The following EXD3 variants were observed in gnomAD, a reference collection of about 807,000 sequenced individuals.
EXD3 encodes the protein exonuclease mut-7 homolog.
In EXD3, 92 loss-of-function variants were observed where a neutral mutation model predicts 98.0. The observed-to-expected ratio is 0.94, with a 90% confidence interval of 0.79 to 1.12. The LOEUF is 1.12. EXD3 is among the 50% of genes most tolerant of loss of function. The probability of loss-of-function intolerance (pLI) is 0.00; values close to 1 mark genes in which losing one functional copy is unlikely to be tolerated. For missense variants in EXD3, 1,222 were observed against 1,191.6 expected, an observed-to-expected ratio of 1.03 and a Z score of -0.38; for synonymous variants, 569 against 526.0, an observed-to-expected ratio of 1.08 and a Z score of -1.12.
intron 19 of EXD3, among the ~76,000 whole-genome samples, chr9:137,315,257 C>T (rs1342570003): frequency 6.6e-6 from 1 of 152,272 alleles, no homozygotes; most frequent in African/African-American, 2.4e-5. Context: ...CTGGGCACCC[C>T]CCGACCGGGC....
intron 20 of EXD3, among the ~76,000 whole-genome samples, chr9:137,308,225 G>A (rs540858476): frequency 6.6e-5 from 10 of 152,282 alleles, no homozygotes; most frequent in African/African-American, 2.4e-4. Context: ...CAGCAGGTGG[G>A]AGAAGCGTCT....
intron 8 of EXD3, among the ~76,000 whole-genome samples, chr9:137,355,477 AAGGAGGAAGGAGGATGGAGG>A: frequency 7.9e-6 from 1 of 126,376 alleles, no homozygotes. Context: ...AGGAAGGAGG[AAGGAGGAAGGAGGATGGAGG>A]AAGGAGGAAG....
At chr9:137,366,180 G>A (rs1835243152) in intron 7 of EXD3, 1 of 701,878 alleles carries the variant, frequency 1.4e-6, no homozygotes, top group African/African-American at 1.7e-5. Context: ...AAGAACAAAG[G>A]AATGGATGAA....
intron 1 of EXD3, among the ~76,000 whole-genome samples, chr9:137,420,003 CA>C (rs774082343): frequency 8.6e-5 from 13 of 150,862 alleles, no homozygotes; most frequent in East Asian, 6.0e-4. Context: ...ACTAAAAATA[CA>C]AAAAAATTAG....
In EXD3 at chr9:137,324,032, G is replaced by T. The variant is rs1001645429; in HGVS notation, c.2052+58C>A. 12 of 1,549,658 alleles carry T rather than the reference G, an allele frequency of 7.7e-6. No homozygotes were observed. Among genetic ancestry groups the T allele is most frequent in the South Asian group, 1.2e-5 (1 of 84,408 alleles). ...ACCCTGAGGTGGGGGTGGCCGAGGG[G>T]CTGGGGGCTTGGGAAGATGGGGCTC... On this transcript the variant is annotated intron_variant, in intron 18 of 21. Transcript: ENST00000340951. The surrounding 1 kb of genome is among the most constrained non-coding windows in gnomAD (Gnocchi z 4.1).
rs1057163401 is a variant in EXD3, at chr9:137,393,829, C to T, written c.55+1474G>A. Among the ~76,000 whole-genome samples the T allele has an allele frequency of 1.3e-5, 2 of 152,188 alleles. No homozygotes were observed. The highest frequency in any genetic ancestry group is 4.8e-5 in the African/African-American group (2 of 41,434). On this transcript the variant is annotated intron_variant, in intron 2 of 21. Coordinates refer to ENST00000340951, the MANE Select transcript of EXD3 (RefSeq NM_017820.5). This position sits in a 1 kb window ranked among gnomAD's most constrained non-coding sequence, Gnocchi z 4.6. ...GGCCAGGGGGCGGTGAGTGAAAAGGCAGTAAACCCACAACAAACTGAGGGC... is the reference window on the plus strand; with the variant it reads ...GGCCAGGGGGCGGTGAGTGAAAAGGTAGTAAACCCACAACAAACTGAGGGC...
chr9:137,387,529 C>T (rs142158156), intron 2 of EXD3, among the ~76,000 whole-genome samples: 7 of 152,276 alleles, frequency 4.6e-5, no homozygotes, highest in African/African-American at 1.2e-4. Flanking sequence ...TGTCCAGGGG[C>T]GGCTTCTGTC....
rs1480975648 is a variant in EXD3 at position 137,348,643 on chromosome 9, G to A, written c.1831-405C>T. Among the ~76,000 whole-genome samples, 87 of 95,182 alleles carry A rather than the reference G, an allele frequency of 9.1e-4. 1 individual carries two copies. Among genetic ancestry groups the A allele is most frequent in the African/African-American group, 3.9e-3 (73 of 18,686 alleles). The allele number at this position is 95,182 out of a possible 152,430, so 62.4% of individuals were successfully genotyped here. ...TTAGACAGAGAGGGGTGGGGATCATGGGGAGGGGGCTAGATAGAGAGGGGT... is the reference window on the plus strand; with the variant it reads ...TTAGACAGAGAGGGGTGGGGATCATAGGGAGGGGGCTAGATAGAGAGGGGT... On this transcript the variant is annotated intron_variant, in intron 16 of 21. Transcript: ENST00000340951.
chr9:137,340,570 G>C (rs1564490830), intron 17 of EXD3, among the ~76,000 whole-genome samples: 1 of 151,964 alleles, frequency 6.6e-6, no homozygotes, highest in Non-Finnish European at 1.5e-5. Flanking sequence ...GTGTTGCCCA[G>C]GCTGGAGTGC....
In EXD3 at chr9:137,407,452, C is replaced by G. The variant is rs1317888675; in HGVS notation, c.-47-12048G>C. 1.3e-5 allele frequency among the ~76,000 whole-genome samples: 2 copies of G among 152,228 alleles called. No homozygotes were observed. The highest frequency in any genetic ancestry group is 1.5e-5 in the Non-Finnish European group (1 of 68,030). On this transcript the variant is annotated intron_variant, in intron 1 of 21. Transcript: ENST00000340951. The surrounding 1 kb of genome is among the most constrained non-coding windows in gnomAD (Gnocchi z 4.4). ...ACCGCAGGCCCTTTCCTGGGGGCCT[C>G]TGTGCCGTGCAAAGGGCAGGTCTGG... is the stretch of plus-strand genomic sequence containing the variant.
intron 17 of EXD3, 47 bp downstream of exon 17, chr9:137,348,024 G>C (rs1193639951): frequency 1.3e-6 from 2 of 1,573,534 alleles, no homozygotes; most frequent in Non-Finnish European, 8.6e-7. Context: ...CTGTGCTAGG[G>C]GCAGCTGCAC....
At chr9:137,382,942 T>G (rs1481920808) in intron 3 of EXD3, among the ~76,000 whole-genome samples, 1 of 152,120 alleles carries the variant, frequency 6.6e-6, no homozygotes, top group African/African-American at 2.4e-5. Context: ...CTCCCTGTCC[T>G]GGACACCTGC....
rs1191416865 is a variant in EXD3 at position 137,330,593 on chromosome 9, A to AG, written c.1999-6451_1999-6450insC. ...CAGGAGCTACACAGGACTACACAGG[A>AG]CTACACAGGACTACACAGGACTACA... On this transcript the variant is annotated intron_variant, in intron 17 of 21. Transcript: ENST00000340951. Among the ~76,000 whole-genome samples the AG allele has an allele frequency of 1.3e-3, 95 of 70,718 alleles. 3 individuals are homozygous for AG. The highest frequency in any genetic ancestry group is 3.2e-3 in the South Asian group (6 of 1,892). The allele number at this position is 70,718 out of a possible 152,430, so 46.4% of individuals were successfully genotyped here.
chr9:137,367,829 C>T, intron 6 of EXD3, 107 bp downstream of exon 6: 1 of 1,104,042 alleles, frequency 9.1e-7, no homozygotes, highest in Non-Finnish European at 1.3e-6. Flanking sequence ...CCCTGCTGTC[C>T]CCCACTGTGG....
At chr9:137,330,276 A>G (rs1485511428) in intron 17 of EXD3, among the ~76,000 whole-genome samples, 2 of 129,400 alleles carry the variant, frequency 1.5e-5, no homozygotes, top group Admixed American at 7.6e-5. Flanking sequence ...GCTACACAGG[A>G]ACTACACAGG....
rs1195464494 is a variant in EXD3 at position 137,371,003 on chromosome 9, C to T, written c.462+1902G>A. ...CTGAATGCGGCCTCTTTCGGCCGGG[C>T]GCGGCGGTGAGCAGTGGAGCATGCA... On this transcript the variant is annotated intron_variant, in intron 5 of 21. Coordinates refer to ENST00000340951, the MANE Select transcript of EXD3 (RefSeq NM_017820.5). This position sits in a 1 kb window ranked among gnomAD's most constrained non-coding sequence, Gnocchi z 8.0. Among the ~76,000 whole-genome samples the T allele has an allele frequency of 6.6e-6, 1 of 152,194 alleles. No homozygotes were observed. The highest frequency in any genetic ancestry group is 1.5e-5 in the Non-Finnish European group (1 of 68,014).
intron 9 of EXD3, 119 bp from the exon 10 acceptor site, chr9:137,354,496 C>T (rs1834504738): frequency 1.3e-6 from 2 of 1,552,520 alleles, no homozygotes; most frequent in Admixed American, 1.9e-5. Flanking sequence ...CAGGTGCTCA[C>T]CCGCCCTGGT....
At position 137,395,313 on chromosome 9, in the gene EXD3, G is replaced by C. The variant is rs1048834129; in HGVS notation, c.45C>G (p.Arg15=). The change falls in exon 2 of 22, where the codon CGC becomes CGG. Residue 15 remains arginine (R), a synonymous_variant. Transcript: ENST00000340951. This position sits in a 1 kb window ranked among gnomAD's most constrained non-coding sequence, Gnocchi z 6.5. ...DPAGDPAAGE[R]HRMGRDPLLL... ...CAGGCTCAGACTCACCCATGCGGTG[G>C]CGCTCGCCAGCGGCAGGGTCACCAG... is the stretch of plus-strand genomic sequence containing the variant. The C allele has an allele frequency of 6.2e-7, 1 of 1,613,434 alleles. No individual in the cohort carries two copies. Among genetic ancestry groups the C allele is most frequent in the Non-Finnish European group, 8.5e-7 (1 of 1,179,778 alleles).
chr9:137,387,768 C>T (rs1335570120), intron 2 of EXD3, among the ~76,000 whole-genome samples: 1 of 152,230 alleles, frequency 6.6e-6, no homozygotes, highest in Non-Finnish European at 1.5e-5. Context: ...CCCCAGCCAG[C>T]CCTCCCTGAG....
Sources: allele counts gnomAD v4.1 joint callset (sites outside exome capture counted in the v4.1 genomes callset), GRCh38; gene constraint gnomAD v4.1.1; non-coding constraint Gnocchi (gnomAD v3.1); transcripts MANE v1.5; gene names NCBI Gene and HGNC (gene_info 2026-07-23, HGNC 2026-07-21).